The following ADGRB3 variants were observed in gnomAD, a reference collection of about 807,000 sequenced individuals.
The protein encoded by ADGRB3 is adhesion G protein-coupled receptor B3.
ADGRB3 carries 37 observed loss-of-function variants against 193.4 expected under a neutral mutation model. The observed-to-expected ratio is 0.19, with a 90% CI of 0.15 to 0.25. The LOEUF (loss-of-function observed/expected upper bound fraction) is 0.25. Ranked by LOEUF, ADGRB3 falls within the 10% of genes least tolerant of loss-of-function variation. The pLI is 1.00. For synonymous variants in ADGRB3, 690 were observed against 644.2 expected, an observed-to-expected ratio of 1.07 and a Z score of -1.08; for missense variants, 1,637 against 1,852.9, an observed-to-expected ratio of 0.88 and a Z score of 2.14.
chr6:68,656,452 T>G (rs754231425), intron 3 of ADGRB3, among the ~76,000 whole-genome samples: 13 of 151,512 alleles, frequency 8.6e-5, no homozygotes, highest in Non-Finnish European at 1.6e-4. Flanking sequence ...ATATGGAAAG[T>G]GTAATATACA....
chr6:69,328,397 G>A (rs1415359990), intron 22 of ADGRB3, among the ~76,000 whole-genome samples: 2 of 152,098 alleles, frequency 1.3e-5, no homozygotes, highest in Admixed American at 1.3e-4. Context: ...AATTAAAAGG[G>A]AGAAAAGGTA....
At chr6:68,946,128 T>C (rs557678707) in intron 6 of ADGRB3, among the ~76,000 whole-genome samples, 2 of 152,162 alleles carry the variant, frequency 1.3e-5, no homozygotes, top group African/African-American at 4.8e-5. Flanking sequence ...TCATAAAAGA[T>C]GTAGAATTCT....
intron 17 of ADGRB3, among the ~76,000 whole-genome samples, chr6:69,184,885 G>A (rs777442660): frequency 3.3e-5 from 5 of 152,044 alleles, no homozygotes; most frequent in African/African-American, 9.7e-5. Flanking sequence ...TTTTTTAAAT[G>A]TCTGATTTGA....
chr6:68,697,314 T>G (rs779625520), intron 3 of ADGRB3, among the ~76,000 whole-genome samples: 30 of 152,002 alleles, frequency 2.0e-4, no homozygotes, highest in Non-Finnish European at 3.7e-4. Context: ...ACTTAGAAAT[T>G]TGTATATATG....
intron 3 of ADGRB3, among the ~76,000 whole-genome samples, chr6:68,807,743 A>C (rs186937398): frequency 6.6e-5 from 10 of 152,246 alleles, no homozygotes; most frequent in Non-Finnish European, 1.3e-4. Flanking sequence ...GTGAGAACTA[A>C]AAAAACTGTG....
At position 68,859,050 on chromosome 6, in the gene ADGRB3, G is replaced by GCT. The variant is rs1446103539; in HGVS notation, c.758-71506_758-71505dup. 5.3e-5 allele frequency among the ~76,000 whole-genome samples: 8 copies of GCT among 150,268 alleles called. No homozygotes were observed. The East Asian group carries it at 1.6e-3, about 30-fold the overall frequency. On this transcript the variant is annotated intron_variant, in intron 3 of 31. Transcript: ENST00000370598. ...AAGCTGTAAGTTTGCAAACTTTTGT[G>GCT]CTCTGTCACCCTTTGAATGCCTTGC...
At chr6:69,224,311 T>C (rs1765961414) in intron 17 of ADGRB3, among the ~76,000 whole-genome samples, 2 of 152,144 alleles carry the variant, frequency 1.3e-5, no homozygotes, top group Admixed American at 1.3e-4. Context: ...TTTGTCCAGA[T>C]CACTTGAAAA....
chr6:68,823,674 G>A (rs535309767), intron 3 of ADGRB3, among the ~76,000 whole-genome samples: 1 of 152,138 alleles, frequency 6.6e-6, no homozygotes, highest in African/African-American at 2.4e-5. Flanking sequence ...ACTCATGCAT[G>A]ATATACTCTG....
intron 17 of ADGRB3, among the ~76,000 whole-genome samples, chr6:69,092,578 TG>T (rs1355010519): frequency 6.6e-6 from 1 of 152,180 alleles, no homozygotes; most frequent in Non-Finnish European, 1.5e-5. Flanking sequence ...AGATTTTGTG[TG>T]CAAGTTACTG....
chr6:68,972,190 C>A (rs79177457), intron 8 of ADGRB3, among the ~76,000 whole-genome samples: 12,696 of 152,252 alleles, frequency 0.083, 665 homozygotes, highest in Non-Finnish European at 0.12. Context: ...GCTGCCCCTA[C>A]CCTCACTTGA....
chr6:68,944,647 T>G (rs1767728815), intron 6 of ADGRB3, among the ~76,000 whole-genome samples: 1 of 152,148 alleles, frequency 6.6e-6, no homozygotes, highest in South Asian at 2.1e-4. Flanking sequence ...ATTTCACCCA[T>G]TATGCTAGAG....
chr6:68,937,498 G>A (rs1292987055), intron 5 of ADGRB3, among the ~76,000 whole-genome samples: 4 of 152,106 alleles, frequency 2.6e-5, no homozygotes, highest in Admixed American at 1.3e-4. Context: ...GTGGTGGATG[G>A]GTGACTATAA....
chr6:68,758,325 GA>G (rs1299569621), intron 3 of ADGRB3, among the ~76,000 whole-genome samples: 4 of 152,028 alleles, frequency 2.6e-5, no homozygotes, highest in Middle Eastern at 3.4e-3. Context: ...CTCACCACCA[GA>G]ATCATTATCA....
intron 3 of ADGRB3, among the ~76,000 whole-genome samples, chr6:68,839,312 A>C (rs74611471): frequency 1.3e-5 from 2 of 152,178 alleles, no homozygotes; most frequent in African/African-American, 2.4e-5. Flanking sequence ...GTGTTGTAAT[A>C]TATTTTAATC....
intron 3 of ADGRB3, among the ~76,000 whole-genome samples, chr6:68,716,175 C>T (rs1765486267): frequency 6.6e-6 from 1 of 151,614 alleles, no homozygotes; most frequent in Admixed American, 6.6e-5. Context: ...GTAGTTTCTT[C>T]AGTGACCACA....
At chr6:69,029,972 G>A (rs1770581867) in intron 13 of ADGRB3, among the ~76,000 whole-genome samples, 1 of 93,484 alleles carries the variant, frequency 1.1e-5, no homozygotes, top group South Asian at 3.0e-4. Flanking sequence ...ATGATATATA[G>A]AATGCACACA....
intron 24 of ADGRB3, 85 bp from the exon 25 acceptor site, chr6:69,338,831 T>C (rs1054952851): frequency 1.8e-6 from 2 of 1,135,182 alleles, no homozygotes; most frequent in Non-Finnish European, 1.3e-6. Flanking sequence ...TGAAATCGTA[T>C]TTAAAAGCTA....
At chr6:69,030,253 C>T (rs557238329) in intron 13 of ADGRB3, among the ~76,000 whole-genome samples, 1 of 152,238 alleles carries the variant, frequency 6.6e-6, no homozygotes, top group South Asian at 2.1e-4. Flanking sequence ...ACCCAGCAAT[C>T]CCATTGCTAG....
chr6:68,738,956 T>C (rs1765925854), intron 3 of ADGRB3, among the ~76,000 whole-genome samples: 2 of 152,090 alleles, frequency 1.3e-5, no homozygotes, highest in Admixed American at 1.3e-4. Context: ...ATGAAGAGGA[T>C]ACAGGAAAGG....
Sources: allele counts gnomAD v4.1 joint callset (sites outside exome capture counted in the v4.1 genomes callset), GRCh38; gene constraint gnomAD v4.1.1; transcripts MANE v1.5; gene names NCBI Gene and HGNC (gene_info 2026-07-23, HGNC 2026-07-21).